The following PCDH9 variants were observed in gnomAD, a reference collection of about 807,000 sequenced individuals.
The protein encoded by PCDH9 is protocadherin-9.
A neutral mutation model predicts 70.6 loss-of-function variants in PCDH9; 24 were observed. The ratio of observed to expected loss-of-function variants is 0.34; its 90% CI spans 0.25 to 0.48. The LOEUF (loss-of-function observed/expected upper bound fraction) is 0.48, where lower values mean the gene tolerates loss of function less well. Among genes scored for constraint, PCDH9 ranks in the 20% least tolerant of loss-of-function variants. The probability of loss-of-function intolerance (pLI) is 0.99; values close to 1 mark genes in which losing one functional copy is unlikely to be tolerated. For synonymous variants in PCDH9, 562 were observed against 558.5 expected, an observed-to-expected ratio of 1.01 and a Z score of -0.09; for missense variants, 1,281 against 1,503.6, an observed-to-expected ratio of 0.85 and a Z score of 2.45.
intron 4 of PCDH9, among the ~76,000 whole-genome samples, chr13:66,366,555 T>C (rs1956557921): frequency 6.6e-6 from 1 of 152,046 alleles, no homozygotes; most frequent in African/African-American, 2.4e-5. Flanking sequence ...TATGAGACTT[T>C]TTAATATTGA....
chr13:66,743,670 T>G (rs2079309343), intron 3 of PCDH9, among the ~76,000 whole-genome samples: 1 of 152,034 alleles, frequency 6.6e-6, no homozygotes, highest in Non-Finnish European at 1.5e-5. Flanking sequence ...TAAAAACAAA[T>G]ATGAGTAACA....
At chr13:66,770,145 T>A (rs1159384167) in intron 3 of PCDH9, among the ~76,000 whole-genome samples, 1 of 152,104 alleles carries the variant, frequency 6.6e-6, no homozygotes, top group Non-Finnish European at 1.5e-5. Flanking sequence ...AGAAACAATA[T>A]TAAATTATTA....
chr13:66,671,261 G>A (rs2078171745), intron 3 of PCDH9, among the ~76,000 whole-genome samples: 1 of 152,224 alleles, frequency 6.6e-6, no homozygotes, highest in African/African-American at 2.4e-5. Context: ...CCAGTCTTCG[G>A]TATTTCTTCA....
rs1394148629 is a variant in PCDH9 at position 66,849,505 on chromosome 13, T to TAGAG, written c.3138+53998_3138+53999insCTCT. On this transcript the variant is annotated intron_variant, in intron 3 of 4. Transcript: ENST00000377865. ...AGGTAGGTATATATATATATATATA[T>TAGAG]ATATATATATATAGAGAGAGAGAGA... Among the ~76,000 whole-genome samples, 286 of 91,562 alleles carry TAGAG rather than the reference T, an allele frequency of 3.1e-3. 1 individual carries two copies. Among genetic ancestry groups the TAGAG allele is most frequent in the Non-Finnish European group, 4.4e-3 (211 of 47,430 alleles). The allele number at this position is 91,562 out of a possible 152,430, so 60.1% of individuals were successfully genotyped here.
At chr13:67,009,715 T>C (rs965592416) in intron 2 of PCDH9, among the ~76,000 whole-genome samples, 1 of 152,090 alleles carries the variant, frequency 6.6e-6, no homozygotes, top group East Asian at 1.9e-4. Context: ...CGGATCTAAC[T>C]CTTTTTTTAT....
chr13:67,100,212 T>C lies in PCDH9; in HGVS notation c.3036+125193A>G, dbSNP rs184984708. ...ATTAATTAATTAGATTATATGCCTA[T>C]TGCTTTTTAAAATTCTCATTATATT... is the stretch of plus-strand genomic sequence containing the variant. On this transcript the variant is annotated intron_variant, in intron 2 of 4. Coordinates refer to ENST00000377865, the MANE Select transcript of PCDH9 (RefSeq NM_203487.3). Among the ~76,000 whole-genome samples the C allele has an allele frequency of 4.4e-3, 677 of 152,282 alleles. 4 individuals are homozygous for C. The highest frequency in any genetic ancestry group is 5.5e-3 in the Non-Finnish European group (376 of 68,026).
chr13:66,745,724 C>T (rs187958388), intron 3 of PCDH9, among the ~76,000 whole-genome samples: 1 of 152,016 alleles, frequency 6.6e-6, no homozygotes, highest in East Asian at 1.9e-4. Context: ...GAATATCTCC[C>T]CCATTCCATG....
At chr13:67,085,210 G>A (rs918926002) in intron 2 of PCDH9, among the ~76,000 whole-genome samples, 1 of 151,164 alleles carries the variant, frequency 6.6e-6, no homozygotes, top group Non-Finnish European at 1.5e-5. Flanking sequence ...AGGTTTTCTG[G>A]TAGAAATTCC....
At chr13:66,481,251 T>TATGTAACAA (rs71106973) in intron 4 of PCDH9, among the ~76,000 whole-genome samples, 75,565 of 149,658 alleles carry the variant, frequency 0.5, 19,570 homozygotes, top group East Asian at 0.66. Flanking sequence ...CGTGTTTACC[T>TATGTAACAA]ATGTAACAAA....
intron 3 of PCDH9, among the ~76,000 whole-genome samples, chr13:66,700,561 T>C (rs753326088): frequency 2.0e-5 from 3 of 152,064 alleles, no homozygotes; most frequent in Non-Finnish European, 4.4e-5. Context: ...CTGTGAGTAA[T>C]TACAATTCAG....
intron 3 of PCDH9, among the ~76,000 whole-genome samples, chr13:66,751,504 G>C (rs1269609672): frequency 6.6e-6 from 1 of 152,134 alleles, no homozygotes; most frequent in East Asian, 1.9e-4. Flanking sequence ...ATTTGACTAA[G>C]TAAGTTCATG....
rs568266484 is a variant in PCDH9, at chr13:66,904,427, T to C, written c.3037-822A>G. On this transcript the variant is annotated intron_variant, in intron 2 of 4. Transcript: ENST00000377865. ...TATTAGACTCAAGGCAAGCAATATT[T>C]GTAAGTATTGCTGTCTGGCCATTTA... Among the ~76,000 whole-genome samples the C allele has an allele frequency of 2.0e-5, 3 of 152,192 alleles. No individual in the cohort carries two copies. In the East Asian group the frequency reaches 5.8e-4, roughly 29 times the overall value.
intron 2 of PCDH9, among the ~76,000 whole-genome samples, chr13:67,145,251 G>A (rs1015153601): frequency 1.6e-4 from 24 of 152,060 alleles, no homozygotes; most frequent in African/African-American, 5.5e-4. Flanking sequence ...TAGTATCAAA[G>A]AGGAAGTTTT....
At chr13:66,352,767 A>G (rs1439603072) in intron 4 of PCDH9, among the ~76,000 whole-genome samples, 1 of 152,156 alleles carries the variant, frequency 6.6e-6, no homozygotes, top group Non-Finnish European at 1.5e-5. Context: ...CCATCTTGTC[A>G]CTTTTTCTGT....
At chr13:66,504,158 C>G (rs1332293164) in intron 4 of PCDH9, among the ~76,000 whole-genome samples, 2 of 152,214 alleles carry the variant, frequency 1.3e-5, no homozygotes, top group African/African-American at 2.4e-5. Flanking sequence ...TAAATACCAC[C>G]TTCTTAGAAA....
At chr13:67,194,659 A>G (rs1040222689) in intron 2 of PCDH9, among the ~76,000 whole-genome samples, 2 of 152,178 alleles carry the variant, frequency 1.3e-5, no homozygotes, top group African/African-American at 4.8e-5. Context: ...TTATTATTGT[A>G]TTAGGTTTAC....
intron 4 of PCDH9, among the ~76,000 whole-genome samples, chr13:66,549,444 A>T (rs1039679156): frequency 6.6e-6 from 1 of 152,060 alleles, no homozygotes; most frequent in Non-Finnish European, 1.5e-5. Context: ...ATTACATTCC[A>T]TACCCTCATT....
At chr13:66,590,665 T>C (rs1407350254) in intron 4 of PCDH9, among the ~76,000 whole-genome samples, 1 of 151,892 alleles carries the variant, frequency 6.6e-6, no homozygotes, top group African/African-American at 2.4e-5. Flanking sequence ...TGTTTGCTTT[T>C]GATATTTATT....
intron 4 of PCDH9, among the ~76,000 whole-genome samples, chr13:66,621,801 C>CT (rs1452727137): frequency 1.3e-5 from 2 of 152,276 alleles, no homozygotes; most frequent in East Asian, 3.8e-4. Flanking sequence ...CCTCACAGCC[C>CT]TGGCTCGCTC....
Sources: allele counts gnomAD v4.1 joint callset (sites outside exome capture counted in the v4.1 genomes callset), GRCh38; gene constraint gnomAD v4.1.1; transcripts MANE v1.5; gene names NCBI Gene and HGNC (gene_info 2026-07-23, HGNC 2026-07-21).